The following CAPN9 variants were observed in gnomAD, a reference collection of about 807,000 sequenced individuals.
The protein encoded by CAPN9 is calpain-9.
CAPN9 carries 81 observed loss-of-function variants against 92.8 expected under a neutral mutation model. That is an observed-to-expected ratio of 0.87 (90% CI 0.73 to 1.05). The LOEUF (loss-of-function observed/expected upper bound fraction) is 1.05. CAPN9 is among the 50% of genes least tolerant of loss of function. The pLI is 0.00. For missense variants in CAPN9, 848 were observed against 866.2 expected, an observed-to-expected ratio of 0.98 and a Z score of 0.26; for synonymous variants, 304 against 328.0, an observed-to-expected ratio of 0.93 and a Z score of 0.79.
intron 7 of CAPN9, 67 bp downstream of exon 7, chr1:230,772,166 A>G: frequency 1.5e-6 from 2 of 1,325,154 alleles, no homozygotes; most frequent in Non-Finnish European, 2.2e-6. Flanking sequence ...TGGCTTGTGC[A>G]GACATGTGAA....
At chr1:230,790,989 C>A (rs1180893490) in intron 14 of CAPN9, among the ~76,000 whole-genome samples, 2 of 152,224 alleles carry the variant, frequency 1.3e-5, no homozygotes, top group Admixed American at 6.5e-5. Context: ...GTGGTCCTTT[C>A]TGACTGGCTT....
intron 5 of CAPN9, among the ~76,000 whole-genome samples, chr1:230,768,046 AAATAAAT>A (rs1666115964): frequency 4.6e-5 from 4 of 87,512 alleles, no homozygotes; most frequent in Admixed American, 2.1e-4. Context: ...ATAAATAAAT[AAATAAAT>A]AAAAAATAAA....
At chr1:230,751,416 AAGAG>A (rs1664756410) in intron 1 of CAPN9, among the ~76,000 whole-genome samples, 1 of 151,746 alleles carries the variant, frequency 6.6e-6, no homozygotes. Context: ...ATGAAAAAGA[AAGAG>A]AGAAAGAAAG....
intron 17 of CAPN9, among the ~76,000 whole-genome samples, chr1:230,793,545 A>G (rs1425055917): frequency 6.6e-6 from 1 of 152,178 alleles, no homozygotes; most frequent in Non-Finnish European, 1.5e-5. Context: ...TGTCCTGCAC[A>G]CACAACCGTA....
intron 9 of CAPN9, 48 bp downstream of exon 9, chr1:230,779,181 C>T: frequency 6.3e-7 from 1 of 1,579,798 alleles, no homozygotes; most frequent in Non-Finnish European, 8.7e-7. Context: ...AGTGTCCCTT[C>T]CAACTCAGGA....
At chr1:230,799,502 G>A (rs1048356638) in intron 19 of CAPN9, among the ~76,000 whole-genome samples, 13 of 152,050 alleles carry the variant, frequency 8.5e-5, no homozygotes, top group African/African-American at 3.1e-4. Context: ...AGCCAAATGG[G>A]GATACTATTG....
At chr1:230,794,762 G>A (rs3818846) in intron 17 of CAPN9, among the ~76,000 whole-genome samples, 14,899 of 152,210 alleles carry the variant, frequency 0.098, 828 homozygotes, top group Middle Eastern at 0.3. Context: ...GACATAGAAC[G>A]CGAGGGGAGG....
In CAPN9 at chr1:230,799,897, G is replaced by A. The variant is rs28359745; in HGVS notation, c.2047-1673G>A. On this transcript the variant is annotated intron_variant, in intron 19 of 19. Coordinates refer to ENST00000271971, the MANE Select transcript of CAPN9 (RefSeq NM_006615.3). ...TGGAAGAGAGTGATAGCAAGACCCT[G>A]TCTCTTAAAAAAGAAAGGAATTTGT... Among the ~76,000 whole-genome samples, 1,423 of 151,418 alleles carry A rather than the reference G, an allele frequency of 9.4e-3. 14 individuals are homozygous for A. The highest frequency in any genetic ancestry group is 0.027 in the South Asian group (129 of 4,766).
intron 1 of CAPN9, among the ~76,000 whole-genome samples, chr1:230,754,812 C>T (rs1558083331): frequency 6.6e-6 from 1 of 152,228 alleles, no homozygotes; most frequent in East Asian, 1.9e-4. Flanking sequence ...AAGATTCTGT[C>T]TCTAAACCTA....
chr1:230,768,608 T>A (rs929288687), intron 5 of CAPN9, among the ~76,000 whole-genome samples: 1 of 152,216 alleles, frequency 6.6e-6, no homozygotes, highest in African/African-American at 2.4e-5. Flanking sequence ...TGATATTTTT[T>A]AAAATTTTCT....
chr1:230,761,398 C>CA (rs1558088407), intron 3 of CAPN9, among the ~76,000 whole-genome samples: 2 of 152,116 alleles, frequency 1.3e-5, no homozygotes, highest in African/African-American at 4.8e-5. Flanking sequence ...GGCTCCTCCC[C>CA]ACTGCTCCCC....
intron 1 of CAPN9, chr1:230,752,567 G>A (rs537501533): frequency 5.5e-5 from 26 of 471,580 alleles, no homozygotes; most frequent in African/African-American, 5.3e-4. Context: ...GGTACGGTTG[G>A]CGGGGCCAGG....
intron 4 of CAPN9, among the ~76,000 whole-genome samples, chr1:230,763,222 T>A (rs1287991405): frequency 6.6e-6 from 1 of 152,200 alleles, no homozygotes; most frequent in Non-Finnish European, 1.5e-5. Flanking sequence ...GTATATGACA[T>A]ATCGATAAAT....
intron 19 of CAPN9, among the ~76,000 whole-genome samples, chr1:230,799,847 A>G (rs1054021283): frequency 2.0e-5 from 3 of 152,146 alleles, no homozygotes; most frequent in East Asian, 3.8e-4. Context: ...GCAGTGAGCT[A>G]TGATCTCGCC....
intron 7 of CAPN9, among the ~76,000 whole-genome samples, chr1:230,773,327 C>G (rs1405795732): frequency 6.6e-6 from 1 of 152,164 alleles, no homozygotes; most frequent in African/African-American, 2.4e-5. Flanking sequence ...TGGCCTCCCT[C>G]TCCTGGCAGA....
chr1:230,795,869 C>T (rs12084401), intron 18 of CAPN9, among the ~76,000 whole-genome samples: 23,113 of 151,930 alleles, frequency 0.15, 2,280 homozygotes, highest in Middle Eastern at 0.32. Context: ...CCAAAGGACC[C>T]GTGCCCTCAA....
Position 230,785,991 on chromosome 1 carries a change from G to A in CAPN9, c.1492G>A (p.Gly498Arg), listed in dbSNP as rs1299934374. ...EKKAITRDMD[G>R]NVDIDLPEPP... ...TTTCTGCCCCTACAGGGATATGGATGGAAATGTAGACATTGACCTTCCTGA... is the reference window on the plus strand; with the variant it reads ...TTTCTGCCCCTACAGGGATATGGATAGAAATGTAGACATTGACCTTCCTGA... Residue 498 changes from glycine to arginine, a missense_variant, in exon 12 of 20, where the codon GGA becomes AGA. Transcript: ENST00000271971. 1.9e-6 allele frequency: 3 copies of A among 1,613,842 alleles called. No homozygotes were observed. The highest frequency in any genetic ancestry group is 1.7e-5 in the Admixed American group (1 of 60,006).
chr1:230,782,656 A>G (rs1667305531), intron 11 of CAPN9, among the ~76,000 whole-genome samples: 1 of 151,950 alleles, frequency 6.6e-6, no homozygotes, highest in African/African-American at 2.4e-5. Flanking sequence ...TCCCTCCCCA[A>G]CCCCACCAGT....
chr1:230,767,488 A>G (rs11122590), intron 4 of CAPN9, 53 bp from the exon 5 acceptor site: 749,920 of 1,447,850 alleles, frequency 0.52, 196,263 homozygotes, highest in African/African-American at 0.59. Context: ...AGGGTGCCCC[A>G]GTGGCCTCCC....
Sources: allele counts gnomAD v4.1 joint callset (sites outside exome capture counted in the v4.1 genomes callset), GRCh38; gene constraint gnomAD v4.1.1; transcripts MANE v1.5; gene names NCBI Gene and HGNC (gene_info 2026-07-23, HGNC 2026-07-21).